Variants in IGSF6 observed in about 807,000 individuals in gnomAD.
IGSF6 encodes the protein immunoglobulin superfamily member 6.
IGSF6 carries 23 observed loss-of-function variants against 24.7 expected under a neutral mutation model. The ratio of observed to expected loss-of-function variants is 0.93; its 90% CI spans 0.67 to 1.32. IGSF6 has a LOEUF of 1.32. Ranked by LOEUF, IGSF6 falls within the 40% of genes most tolerant of loss-of-function variation. IGSF6 has a pLI of 0.00. For missense variants in IGSF6, 295 were observed against 293.6 expected (o/e 1.00, Z -0.04); for synonymous variants, 110 against 113.7 (o/e 0.97, Z 0.21).
rs1194791283 is a variant in IGSF6 at position 21,647,365 on chromosome 16, G to A, written c.195C>T (p.Cys65=). 1.2e-6 allele frequency: 2 copies of A among 1,613,992 alleles called. No homozygotes were observed. Among genetic ancestry groups the A allele is most frequent in the Non-Finnish European group, 1.7e-6 (2 of 1,180,004 alleles). The change falls in exon 2 of 6, where the codon TGC becomes TGT. Residue 65 remains cysteine (C), a synonymous_variant. Coordinates refer to ENST00000268389, the MANE Select transcript of IGSF6 (RefSeq NM_005849.4). Reference sequence around the variant, plus strand: ...GGTGAGCACCGTAGCGAAACCACAGGCATGTTGGTTGCTCAGAAGGGCATC... The same window carrying A: ...GGTGAGCACCGTAGCGAAACCACAGACATGTTGGTTGCTCAGAAGGGCATC... ...ATGCPSEQPT[C]LWFRYGAHQP...
chr16:21,647,161 T>A lies in IGSF6; in HGVS notation c.399A>T (p.Thr133=), dbSNP rs755732200. ...TTACCACCAGTGTGGTCCCTCCTCCTGTCTGTTTAGCTCTCGCTTCCGGCA... is the reference window on the plus strand; with the variant it reads ...TTACCACCAGTGTGGTCCCTCCTCCAGTCTGTTTAGCTCTCGCTTCCGGCA... ...PSVPEARAKQ[T]GGGTTLVVRE... Residue 133 remains threonine, a synonymous_variant, in exon 2 of 6, where the codon ACA becomes ACT. Coordinates refer to ENST00000268389, the MANE Select transcript of IGSF6 (RefSeq NM_005849.4). 4.3e-6 allele frequency: 7 copies of A among 1,614,204 alleles called. No homozygotes were observed. The highest frequency in any genetic ancestry group is 5.9e-6 in the Non-Finnish European group (7 of 1,180,020).
In IGSF6 at chr16:21,647,166, G is replaced by T; in HGVS notation, c.394C>A (p.Gln132Lys). The T allele has an allele frequency of 6.2e-7, 1 of 1,614,134 alleles. No homozygotes were observed. Reference protein sequence around the residue: ...FPSVPEARAKQTGGGTTLVVR... With the variant: ...FPSVPEARAKKTGGGTTLVVR... Reference sequence around the variant, plus strand: ...ACCAGTGTGGTCCCTCCTCCTGTCTGTTTAGCTCTCGCTTCCGGCACACTG... The same window carrying T: ...ACCAGTGTGGTCCCTCCTCCTGTCTTTTTAGCTCTCGCTTCCGGCACACTG... The change falls in exon 2 of 6, where the codon CAG becomes AAG. Residue 132 changes from glutamine (Q) to lysine (K), a missense_variant. Physicochemically the swap from Gln to Lys is moderately conservative, Grantham distance 53. Transcript: ENST00000268389.
intron 3 of IGSF6, among the ~76,000 whole-genome samples, chr16:21,643,840 A>G (rs1204517050): frequency 6.6e-6 from 1 of 152,218 alleles, no homozygotes; most frequent in Non-Finnish European, 1.5e-5. Context: ...TCTTATACAC[A>G]TAGCCAAAAG....
intron 5 of IGSF6, 25 bp downstream of exon 5, chr16:21,643,047 CAT>C: frequency 2.1e-6 from 3 of 1,460,874 alleles, no homozygotes; most frequent in Non-Finnish European, 1.9e-6. Context: ...TCTGTATTTA[CAT>C]TTTTTTTTGA....
intron 1 of IGSF6, among the ~76,000 whole-genome samples, chr16:21,651,025 C>T (rs1966559734): frequency 6.6e-6 from 1 of 152,138 alleles, no homozygotes; most frequent in Non-Finnish European, 1.5e-5. Flanking sequence ...AGATCGAGAC[C>T]ATCCTGGCTA....
chr16:21,642,347 G>A (rs1288850611), intron 5 of IGSF6: 1 of 152,184 alleles, frequency 6.6e-6, no homozygotes, highest in Non-Finnish European at 1.5e-5. Context: ...GAGAAGATTA[G>A]CATGGCCCCT....
In IGSF6 at chr16:21,647,461, T is replaced by C. The variant is rs761166964; in HGVS notation, c.99A>G (p.Thr33=). 40 of 1,613,826 alleles carry C rather than the reference T, an allele frequency of 2.5e-5. No individual in the cohort carries two copies. Among genetic ancestry groups the C allele is most frequent in the Non-Finnish European group, 1.4e-5 (16 of 1,179,916 alleles). Residue 33 remains threonine (T), a synonymous_variant, in exon 2 of 6, where the codon ACA becomes ACG. Coordinates refer to ENST00000268389, the MANE Select transcript of IGSF6 (RefSeq NM_005849.4). ...AGTCCACTTCTAGGTACCACGGTTG[T>C]GTGACAGAGAGAGTACAGGCGCCCA... The part of the protein sequence containing the change: ...GAVGACTLSV[T]QPWYLEVDYT...
At chr16:21,646,283 A>C (rs377239080) in intron 2 of IGSF6, 5 of 152,302 alleles carry the variant, frequency 3.3e-5, no homozygotes, top group South Asian at 4.1e-4. Context: ...GGTTTTATCA[A>C]ATCTCAGGAA....
intron 5 of IGSF6, chr16:21,642,404 AAAAT>A (rs1391325252): frequency 6.6e-6 from 1 of 152,228 alleles, no homozygotes; most frequent in East Asian, 1.9e-4. Flanking sequence ...TAAATTTTAA[AAAAT>A]AAATAAAAAT....
intron 1 of IGSF6, chr16:21,652,020 G>C (rs946919514): frequency 1.3e-5 from 2 of 151,932 alleles, no homozygotes; most frequent in African/African-American, 4.8e-5. Flanking sequence ...GGGCAAATCT[G>C]AGATTACTAG....
At chr16:21,651,218 G>A (rs748040434) in intron 1 of IGSF6, among the ~76,000 whole-genome samples, 3 of 152,112 alleles carry the variant, frequency 2.0e-5, no homozygotes, top group African/African-American at 2.4e-5. Flanking sequence ...GCGAGACTCC[G>A]TCTCAAACAA....
chr16:21,643,201 C>T (rs747389296), intron 4 of IGSF6, 47 bp from the exon 5 acceptor site: 46 of 1,388,950 alleles, frequency 3.3e-5, no homozygotes, highest in Middle Eastern at 1.8e-4. Flanking sequence ...GGAATATAAG[C>T]GATGATAACG....
chr16:21,644,562 G>A (rs556671398), intron 2 of IGSF6, among the ~76,000 whole-genome samples, 166 bp from the exon 3 acceptor site: 2 of 152,160 alleles, frequency 1.3e-5, no homozygotes, highest in Non-Finnish European at 2.9e-5. Context: ...GTATGTAATA[G>A]TTAAAGCCAG....
chr16:21,646,094 A>ACT (rs770795106), intron 2 of IGSF6, among the ~76,000 whole-genome samples: 1 of 152,062 alleles, frequency 6.6e-6, no homozygotes, highest in African/African-American at 2.4e-5. Context: ...CAACAAGGCG[A>ACT]GGAGTTGCTG....
intron 1 of IGSF6, 40 bp from the exon 2 acceptor site, chr16:21,647,532 A>C: frequency 1.3e-6 from 2 of 1,568,008 alleles, no homozygotes; most frequent in East Asian, 4.5e-5. Flanking sequence ...TGGGCCTGCC[A>C]CCTCACTTTG....
At chr16:21,648,897 C>T (rs750002367) in intron 1 of IGSF6, among the ~76,000 whole-genome samples, 9 of 152,188 alleles carry the variant, frequency 5.9e-5, no homozygotes, top group Non-Finnish European at 8.8e-5. Flanking sequence ...TAGCGTTTCT[C>T]TTATGGATCC....
intron 4 of IGSF6, among the ~76,000 whole-genome samples, 193 bp from the exon 5 acceptor site, chr16:21,643,347 A>G (rs1008791842): frequency 1.3e-5 from 2 of 152,122 alleles, no homozygotes; most frequent in Non-Finnish European, 2.9e-5. Context: ...GAACTGTCCA[A>G]TTTAAGTCAC....
Position 21,644,377 on chromosome 16 carries a change from C to T in IGSF6, c.447G>A (p.Lys149=). The T allele has an allele frequency of 1.2e-6, 2 of 1,613,068 alleles. No individual in the cohort carries two copies. Among genetic ancestry groups the T allele is most frequent in the South Asian group, 1.1e-5 (1 of 91,068 alleles). ...LVVREIKLLS[K]ELRSFLTALV... is the part of the protein sequence containing the mutation. ...GAGCTGTCAGGAAGCTCCGCAGTTC[C>T]TTGCTGAGCAGCTTAATTTCTTAAT... is the stretch of plus-strand genomic sequence containing the variant. The change falls in exon 3 of 6, where the codon AAG becomes AAA. Residue 149 remains lysine, a synonymous_variant. Transcript: ENST00000268389.
chr16:21,644,438 C>G (rs1334798944), intron 2 of IGSF6, 42 bp from the exon 3 acceptor site: 1 of 1,374,656 alleles, frequency 7.3e-7, no homozygotes, highest in East Asian at 2.3e-5. Flanking sequence ...ACTATTAAAG[C>G]CTATTCTTTC....
Sources: allele counts gnomAD v4.1 joint callset (sites outside exome capture counted in the v4.1 genomes callset), GRCh38; gene constraint gnomAD v4.1.1; transcripts MANE v1.5; gene names NCBI Gene and HGNC (gene_info 2026-07-23, HGNC 2026-07-21).